KPNA7: variants seen among roughly 807,000 people sequenced by gnomAD.
KPNA7 encodes karyopherin subunit alpha 7.
A neutral mutation model predicts 53.7 loss-of-function variants in KPNA7; 54 were observed. That is an observed-to-expected ratio of 1.01 (90% CI 0.81 to 1.26). The LOEUF (loss-of-function observed/expected upper bound fraction) is 1.26. KPNA7 is among the 50% of genes most tolerant of loss of function. The pLI, the probability that KPNA7 is intolerant of heterozygous loss-of-function variation, is 0.00. For synonymous variants in KPNA7, 276 were observed against 259.3 expected, an observed-to-expected ratio of 1.06 and a Z score of -0.62; for missense variants, 640 against 644.5, an observed-to-expected ratio of 0.99 and a Z score of 0.07.
intron 3 of KPNA7, among the ~76,000 whole-genome samples, chr7:99,197,788 T>C (rs1415553708): frequency 6.6e-6 from 1 of 152,102 alleles, no homozygotes; most frequent in Admixed American, 6.6e-5. Flanking sequence ...CTGAGGAAGA[T>C]AACACACACA....
chr7:99,201,733 G>A (rs1046121802), intron 3 of KPNA7, among the ~76,000 whole-genome samples: 7 of 151,274 alleles, frequency 4.6e-5, no homozygotes, highest in Admixed American at 1.3e-4. Context: ...GTGAGATGGA[G>A]TCTCACTCTG....
downstream of KPNA7, among the ~76,000 whole-genome samples, chr7:99,173,081 A>G (rs183883066): frequency 5.3e-3 from 790 of 148,372 alleles, 18 homozygotes; most frequent in East Asian, 0.052. Context: ...AAAAAAAAAA[A>G]AAAGAAAAAG....
intron 3 of KPNA7, among the ~76,000 whole-genome samples, chr7:99,197,993 C>G (rs143399267): frequency 1.3e-5 from 2 of 152,138 alleles, no homozygotes; most frequent in African/African-American, 4.8e-5. Context: ...GAGCTCCAAA[C>G]GGAATAAATC....
At chr7:99,195,949 T>C in intron 4 of KPNA7, 135 bp downstream of exon 4, 1 of 676,846 alleles carries the variant, frequency 1.5e-6, no homozygotes, top group South Asian at 1.9e-5. Flanking sequence ...GTCTTTTAGA[T>C]GGGCTAGCCT....
chr7:99,183,094 A>G (rs1452359411), intron 8 of KPNA7, among the ~76,000 whole-genome samples: 1 of 152,094 alleles, frequency 6.6e-6, no homozygotes, highest in African/African-American at 2.4e-5. Context: ...TGTCTCTATT[A>G]AAATACAAAA....
intron 9 of KPNA7, among the ~76,000 whole-genome samples, chr7:99,180,529 C>T (rs1233128160): frequency 2.2e-5 from 2 of 92,450 alleles, no homozygotes; most frequent in Non-Finnish European, 4.9e-5. Context: ...GTCTCTATCT[C>T]TCTGTCTCCG....
chr7:99,208,657 C>G (rs1790941260), upstream of KPNA7, among the ~76,000 whole-genome samples: 1 of 152,178 alleles, frequency 6.6e-6, no homozygotes, highest in Non-Finnish European at 1.5e-5. Context: ...CCACCCACCT[C>G]AGCCTCCCAA....
chr7:99,176,142 C>T (rs1019628068), intron 10 of KPNA7, among the ~76,000 whole-genome samples: 1 of 151,256 alleles, frequency 6.6e-6, no homozygotes, highest in Non-Finnish European at 1.5e-5. Context: ...ACTAAAAGTA[C>T]AAAAAATTAG....
At chr7:99,209,682 C>CAAAA (rs60377276), upstream of KPNA7, among the ~76,000 whole-genome samples, 12 of 73,524 alleles carry the variant, frequency 1.6e-4, no homozygotes, top group African/African-American at 2.6e-4. Context: ...GACTCCAACT[C>CAAAA]AAAAAAAAAA....
intron 3 of KPNA7, among the ~76,000 whole-genome samples, chr7:99,201,670 A>G (rs1344624681): frequency 6.6e-6 from 1 of 151,490 alleles, no homozygotes; most frequent in African/African-American, 2.4e-5. Context: ...CTCAAAAAAA[A>G]AAAGCTAATA....
At chr7:99,182,552 C>T (rs1327254241) in intron 8 of KPNA7, among the ~76,000 whole-genome samples, 1 of 152,108 alleles carries the variant, frequency 6.6e-6, no homozygotes, top group Admixed American at 6.6e-5. Flanking sequence ...CCAGGCTGGT[C>T]TCAAACTCCT....
downstream of KPNA7, among the ~76,000 whole-genome samples, chr7:99,173,062 CAAAAAAA>C (rs923484332): frequency 4.3e-3 from 248 of 57,172 alleles, 1 homozygote; most frequent in Middle Eastern, 9.8e-3. Context: ...AACTCCATCT[CAAAAAAA>C]AAAAAAAAAA....
the KPNA7 span, among the ~76,000 whole-genome samples, chr7:99,154,530 CTTTT>C: frequency 9.9e-5 from 14 of 142,128 alleles, no homozygotes; most frequent in Admixed American, 3.6e-4. Context: ...AAACTTAGGT[CTTTT>C]TTTTTTTTTT....
chr7:99,209,551 C>A (rs563414588), upstream of KPNA7, among the ~76,000 whole-genome samples: 13 of 151,802 alleles, frequency 8.6e-5, no homozygotes, highest in Admixed American at 2.0e-4. Flanking sequence ...GGCGTAGTGG[C>A]AGGCACCTGT....
the KPNA7 span, among the ~76,000 whole-genome samples, chr7:99,154,427 C>CA: frequency 6.6e-6 from 1 of 151,930 alleles, no homozygotes; most frequent in African/African-American, 2.4e-5. Flanking sequence ...CCACACCTGG[C>CA]AAAAATGCTT....
downstream of KPNA7, among the ~76,000 whole-genome samples, chr7:99,170,621 C>T (rs923912990): frequency 5.3e-5 from 8 of 152,124 alleles, no homozygotes; most frequent in East Asian, 5.8e-4. Context: ...GAATTATAGG[C>T]GTGAGCCACT....
At chr7:99,213,130 ATT>A (rs71108433) in intron 1 of KPNA7, among the ~76,000 whole-genome samples, 8 of 141,076 alleles carry the variant, frequency 5.7e-5, no homozygotes, top group Non-Finnish European at 6.2e-5. Context: ...GCCAAAAGGG[ATT>A]TTTTTTTTTT....
At chr7:99,199,113 T>C (rs945209901) in intron 3 of KPNA7, among the ~76,000 whole-genome samples, 10 of 133,132 alleles carry the variant, frequency 7.5e-5, no homozygotes, top group African/African-American at 2.0e-4. Flanking sequence ...AGGTATCCCA[T>C]GTTCATGGAC....
upstream of KPNA7, among the ~76,000 whole-genome samples, chr7:99,210,023 A>C (rs534138961): frequency 4.0e-5 from 6 of 151,138 alleles, no homozygotes; most frequent in Middle Eastern, 3.5e-3. Flanking sequence ...AACAAACAAA[A>C]AAAAGAAAAA....
Sources: allele counts gnomAD v4.1 joint callset (sites outside exome capture counted in the v4.1 genomes callset), GRCh38; gene constraint gnomAD v4.1.1; transcripts MANE v1.5; gene names NCBI Gene and HGNC (gene_info 2026-07-23, HGNC 2026-07-21).